ACAN: variants seen among roughly 807,000 people sequenced by gnomAD.
ACAN encodes the protein aggrecan, also known as aggrecan core protein.
Under a neutral mutation model 169.1 loss-of-function variants are expected in ACAN, and 47 were observed. The observed-to-expected ratio is 0.28, with a 90% CI of 0.22 to 0.35. The LOEUF is 0.35. ACAN is among the 10% of genes least tolerant of loss of function. The pLI, the probability that ACAN is intolerant of heterozygous loss-of-function variation, is 1.00. For synonymous variants in ACAN, 1,115 were observed against 1,112.2 expected (o/e 1.00, Z -0.05); for missense variants, 2,716 against 2,759.9 (o/e 0.98, Z 0.36).
chr15:88,833,035 G>A (rs545465196), intron 1 of ACAN, among the ~76,000 whole-genome samples: 134 of 152,210 alleles, frequency 8.8e-4, no homozygotes, highest in Non-Finnish European at 1.6e-3. Context: ...TCGAGGAGGG[G>A]TCTCCACTGC....
intron 12 of ACAN, among the ~76,000 whole-genome samples, chr15:88,860,071 C>CTTTTTT (rs1897161190): frequency 9.4e-6 from 1 of 105,886 alleles, no homozygotes; most frequent in Admixed American, 8.4e-5. Context: ...AGCTGATTTT[C>CTTTTTT]CTTTTTTTTT....
At chr15:88,862,234 A>G (rs1305202325) in intron 13 of ACAN, among the ~76,000 whole-genome samples, 1 of 152,152 alleles carries the variant, frequency 6.6e-6, no homozygotes, top group Non-Finnish European at 1.5e-5. Context: ...CCTCATTTGT[A>G]AACAGGGATC....
rs1897315961 is a variant in ACAN, at chr15:88,868,418, C to T, written c.7060+89C>T. On this transcript the variant is annotated intron_variant, in intron 14 of 18. Transcript: ENST00000560601. The surrounding 1 kb of genome is among the most constrained non-coding windows in gnomAD (Gnocchi z 5.2). ...TTCCCTCCTAACAACAGGCTCCAGG[C>T]CCTGGCTGGGGCCCCCGAGGTTCAT... The T allele has an allele frequency of 1.6e-6, 1 of 617,440 alleles. No individual in the cohort carries two copies. The highest frequency in any genetic ancestry group is 2.9e-6 in the Non-Finnish European group (1 of 342,590). The allele number at this position is 617,440 out of a possible 1,614,324, so 38.2% of individuals were successfully genotyped here. A position where few individuals can be genotyped will look rare whatever the true frequency, so the allele number is the denominator to read the frequency against.
rs1002450754 is a variant in ACAN, at chr15:88,845,593, G to A, written c.1140G>A (p.Met380Ile). Residue 380 changes from methionine (M) to isoleucine (I), a missense_variant, in exon 7 of 19, where the codon ATG (methionine) becomes ATA (isoleucine). Physicochemically the swap from Met to Ile is conservative, Grantham distance 10. Around this residue, in one of 3 missense-constraint regions of ACAN, gnomAD observed 1,283 missense variants for 1,281.5 expected, o/e 1.00. Coordinates refer to ENST00000560601, the MANE Select transcript of ACAN (RefSeq NM_001369268.1). ...ITVQTVTWPD[M>I]ELPLPRNITE... The stretch of plus-strand genomic sequence containing the variant: ...TCCAGACAGTGACCTGGCCTGACAT[G>A]GAGCTGCCACTGCCTCGAAACATCA... 4 of 1,614,042 alleles carry A rather than the reference G, an allele frequency of 2.5e-6. No homozygotes were observed. The highest frequency in any genetic ancestry group is 3.3e-5 in the Admixed American group (2 of 60,036).
At position 88,872,125 on chromosome 15, in the gene ACAN, A is replaced by G. The variant is rs766370142; in HGVS notation, c.7302+40A>G. ...AGGCACAGCTGGTGGCCCAGGGGAC[A>G]GGGAGTGGGATAGAGACCCCTGGAG... On this transcript the variant is annotated intron_variant, in intron 16 of 18. Coordinates refer to ENST00000560601, the MANE Select transcript of ACAN (RefSeq NM_001369268.1). This position sits in a 1 kb window ranked among gnomAD's most constrained non-coding sequence, Gnocchi z 5.4. 6.4e-7 allele frequency: 1 copy of G among 1,566,462 alleles called. No individual in the cohort carries two copies. The highest frequency in any genetic ancestry group is 8.8e-7 in the Non-Finnish European group (1 of 1,136,950).
In ACAN at chr15:88,874,348, C is replaced by T. The variant is rs1019775641; in HGVS notation, c.7631-57C>T. The T allele has an allele frequency of 6.1e-6, 9 of 1,486,600 alleles. No individual in the cohort carries two copies. The East Asian group carries it at 2.0e-4, about 32-fold the overall frequency. The allele number at this position is 1,486,600 out of a possible 1,614,324, so 92.1% of individuals were successfully genotyped here. A position where few individuals can be genotyped will look rare whatever the true frequency, so the allele number is the denominator to read the frequency against. ...GAGGGTAGTCTGGGGAGAGCCTGGG[C>T]TCGCCCCACTTTCTTTCCAGGTCCA... On this transcript the variant is annotated intron_variant, in intron 18 of 18. Coordinates refer to ENST00000560601, the MANE Select transcript of ACAN (RefSeq NM_001369268.1). The surrounding 1 kb of genome is among the most constrained non-coding windows in gnomAD (Gnocchi z 7.3).
chr15:88,824,048 G>C (rs920653794), intron 1 of ACAN, among the ~76,000 whole-genome samples: 2 of 152,080 alleles, frequency 1.3e-5, no homozygotes, highest in Non-Finnish European at 2.9e-5. Context: ...GTCCTGGCCG[G>C]GCGCAGTGGC....
chr15:88,804,877 A>G (rs575919828), intron 1 of ACAN, among the ~76,000 whole-genome samples: 3 of 152,296 alleles, frequency 2.0e-5, no homozygotes, highest in African/African-American at 7.2e-5. Flanking sequence ...AGGAAAATAC[A>G]AAGCTGAATT....
At position 88,849,354 on chromosome 15, in the gene ACAN, A is replaced by G. The variant is rs1025736268; in HGVS notation, c.1733-84A>G. 2 of 1,346,600 alleles carry G rather than the reference A, an allele frequency of 1.5e-6. No homozygotes were observed. The highest frequency in any genetic ancestry group is 2.0e-6 in the Non-Finnish European group (2 of 1,011,472). 83.4% of individuals were successfully genotyped at this position (1,346,600 alleles called of 1,614,324 possible). On this transcript the variant is annotated intron_variant, in intron 9 of 18. Coordinates refer to ENST00000560601, the MANE Select transcript of ACAN (RefSeq NM_001369268.1). The surrounding 1 kb of genome is among the most constrained non-coding windows in gnomAD (Gnocchi z 5.1). ...GGTCTTAGCCCTGGTGAGGAGGGTT[A>G]GAGGAACTCTGTCCTGGGTGGGCAG...
rs774114868 is a variant in ACAN at position 88,854,949 on chromosome 15, C to T, written c.2364C>T (p.Ser788=). The change falls in exon 12 of 19, where the codon TCC becomes TCT. Residue 788 remains serine, a synonymous_variant. Transcript: ENST00000560601. ...TEVPSASEEP[S]PSEVPFPSEE... ...TGCCCTCTGCCTCAGAGGAACCATC[C>T]CCCTCAGAGGTGCCATTCCCCTCAG... The T allele has an allele frequency of 2.6e-5, 41 of 1,594,942 alleles. No homozygotes were observed. The highest frequency in any genetic ancestry group is 3.3e-5 in the Non-Finnish European group (39 of 1,171,846).
chr15:88,833,587 C>G lies in ACAN; in HGVS notation c.-7-2613C>G, dbSNP rs143922395. On this transcript the variant is annotated intron_variant, in intron 1 of 18. Coordinates refer to ENST00000560601, the MANE Select transcript of ACAN (RefSeq NM_001369268.1). Reference sequence around the variant, plus strand: ...TTGGAAGCCAGACAGAATGGAATTTCTCCCTATTTTCTTTACAGCTGAGAA... The same window carrying G: ...TTGGAAGCCAGACAGAATGGAATTTGTCCCTATTTTCTTTACAGCTGAGAA... Among the ~76,000 whole-genome samples, 392 of 152,174 alleles carry G rather than the reference C, an allele frequency of 2.6e-3. 6 individuals are homozygous for G. The South Asian group carries it at 0.047, about 18-fold the overall frequency.
intron 2 of ACAN, among the ~76,000 whole-genome samples, chr15:88,837,044 G>A (rs540844487): frequency 6.6e-6 from 1 of 152,222 alleles, no homozygotes. Flanking sequence ...GGGGTCCCAG[G>A]ATGCCCAGAA....
chr15:88,838,437 G>C lies in ACAN; in HGVS notation c.71-226G>C, dbSNP rs939968494. 6.6e-6 allele frequency among the ~76,000 whole-genome samples: 1 copy of C among 152,054 alleles called. No individual in the cohort carries two copies. Among genetic ancestry groups the C allele is most frequent in the Admixed American group, 6.5e-5 (1 of 15,282 alleles). On this transcript the variant is annotated intron_variant, in intron 2 of 18. Transcript: ENST00000560601. The surrounding 1 kb of genome is among the most constrained non-coding windows in gnomAD (Gnocchi z 5.1). ...TTTCTAGCTCCATAGTTTCTGTCTC[G>C]AGATGCAGAGGCCAGGGGTCTTGAG...
At chr15:88,830,137 A>G (rs1896323736) in intron 1 of ACAN, among the ~76,000 whole-genome samples, 1 of 152,130 alleles carries the variant, frequency 6.6e-6, no homozygotes, top group Non-Finnish European at 1.5e-5. Flanking sequence ...GGGAGGTGAC[A>G]TGGAGATGAA....
In ACAN at chr15:88,849,630, C is replaced by T. The variant is rs1185058684; in HGVS notation, c.1925C>T (p.Ala642Val). ...LRYPIVTPRP[A>V]CGGDKPGVRT... ...TACCCCATCGTCACCCCAAGGCCTG[C>T]CTGCGGTGGGGACAAGCCAGGCGTG... Residue 642 changes from alanine (A) to valine (V), a missense_variant, in exon 10 of 19, where the codon GCC (alanine) becomes GTC (valine). Ala to Val is a moderately conservative substitution (Grantham distance 64, BLOSUM62 0). Coordinates refer to ENST00000560601, the MANE Select transcript of ACAN (RefSeq NM_001369268.1). This position sits in a 1 kb window ranked among gnomAD's most constrained non-coding sequence, Gnocchi z 5.1. 1.9e-6 allele frequency: 3 copies of T among 1,612,690 alleles called. No homozygotes were observed. The highest frequency in any genetic ancestry group is 2.7e-5 in the African/African-American group (2 of 74,894).
chr15:88,829,285 G>A (rs1401171893), intron 1 of ACAN, among the ~76,000 whole-genome samples: 2 of 152,222 alleles, frequency 1.3e-5, no homozygotes, highest in East Asian at 3.8e-4. Context: ...CCCTGGGGGT[G>A]ATGCTTGCAT....
At chr15:88,847,497 GCA>G in intron 8 of ACAN, 80 bp downstream of exon 8, 2 of 1,411,788 alleles carry the variant, frequency 1.4e-6, no homozygotes, top group East Asian at 5.1e-5. Flanking sequence ...ACCGCCCCCA[GCA>G]CACTGAGCAC....
chr15:88,840,887 G>A (rs531917024), intron 4 of ACAN, among the ~76,000 whole-genome samples: 2 of 152,322 alleles, frequency 1.3e-5, no homozygotes, highest in African/African-American at 4.8e-5. Flanking sequence ...GCTCATGCCT[G>A]TAATCCCAGC....
Position 88,841,000 on chromosome 15 carries a change from C to G in ACAN, c.630-740C>G, listed in dbSNP as rs974750010. 2.0e-5 allele frequency among the ~76,000 whole-genome samples: 3 copies of G among 152,100 alleles called. No homozygotes were observed. The East Asian group carries it at 5.8e-4, about 29-fold the overall frequency. On this transcript the variant is annotated intron_variant, in intron 4 of 18. Coordinates refer to ENST00000560601, the MANE Select transcript of ACAN (RefSeq NM_001369268.1). ...TCTACTAAAAAATACAAAAAATTAGCCAGGCGTGGTGGTGGGCTCCTGTAG... is the reference window on the plus strand; with the variant it reads ...TCTACTAAAAAATACAAAAAATTAGGCAGGCGTGGTGGTGGGCTCCTGTAG...
Sources: allele counts gnomAD v4.1 joint callset (sites outside exome capture counted in the v4.1 genomes callset), GRCh38; gene constraint gnomAD v4.1.1; regional missense constraint gnomAD v4.1.1; non-coding constraint Gnocchi (gnomAD v3.1); transcripts MANE v1.5; gene names NCBI Gene and HGNC (gene_info 2026-07-23, HGNC 2026-07-21).